The following MAML3 variants were observed in gnomAD, a reference collection of about 807,000 sequenced individuals.
MAML3 encodes the protein mastermind-like protein 3.
In MAML3, 27 loss-of-function variants were observed where a neutral mutation model predicts 101.9. That is an observed-to-expected ratio of 0.27 (90% CI 0.20 to 0.37). The LOEUF is 0.37. MAML3 is among the 10% of genes least tolerant of loss of function. MAML3 has a pLI of 1.00. For missense variants in MAML3, 1,316 were observed against 1,444.9 expected (o/e 0.91, Z 1.45); for synonymous variants, 501 against 555.9 (o/e 0.90, Z 1.39).
At chr4:139,947,659 A>G (rs2110751330) in intron 1 of MAML3, among the ~76,000 whole-genome samples, 1 of 152,332 alleles carries the variant, frequency 6.6e-6, no homozygotes, top group Admixed American at 6.5e-5. Context: ...TTAGTGGTAA[A>G]GTGTATCTAG....
At chr4:139,882,085 G>C in intron 2 of MAML3, among the ~76,000 whole-genome samples, 1 of 152,056 alleles carries the variant, frequency 6.6e-6, no homozygotes, top group Non-Finnish European at 1.5e-5. Context: ...TTAAAAATGT[G>C]ATAAAATGAA....
intron 2 of MAML3, among the ~76,000 whole-genome samples, chr4:139,751,289 A>G (rs1159100589): frequency 1.3e-5 from 2 of 152,232 alleles, no homozygotes; most frequent in East Asian, 3.8e-4. Context: ...CTTATCCAAA[A>G]TATTTGGGAT....
intron 2 of MAML3, among the ~76,000 whole-genome samples, chr4:139,795,438 T>C (rs889178382): frequency 1.3e-5 from 2 of 152,204 alleles, no homozygotes; most frequent in African/African-American, 2.4e-5. Context: ...TTTAGTTGAG[T>C]GTTAAGGGTG....
At chr4:139,972,285 C>G (rs1734246748) in intron 1 of MAML3, among the ~76,000 whole-genome samples, 1 of 152,176 alleles carries the variant, frequency 6.6e-6, no homozygotes, top group Admixed American at 6.5e-5. Context: ...CCAAATAAAT[C>G]TTGCCCTCTA....
intron 2 of MAML3, among the ~76,000 whole-genome samples, chr4:139,784,659 C>A (rs1730275073): frequency 6.6e-6 from 1 of 152,236 alleles, no homozygotes; most frequent in Non-Finnish European, 1.5e-5. Flanking sequence ...CTCATCTCTT[C>A]CCACTTAGTC....
chr4:140,039,087 C>A (rs2110904330), intron 1 of MAML3, among the ~76,000 whole-genome samples: 1 of 152,110 alleles, frequency 6.6e-6, no homozygotes, highest in Non-Finnish European at 1.5e-5. Flanking sequence ...CGTGCCACTG[C>A]ACTCCAGCCT....
At chr4:140,031,275 T>C (rs1020858052) in intron 1 of MAML3, among the ~76,000 whole-genome samples, 3 of 152,252 alleles carry the variant, frequency 2.0e-5, no homozygotes, top group Non-Finnish European at 2.9e-5. Context: ...CTAGTGTATG[T>C]CCATATGAAA....
chr4:139,833,019 A>G (rs1698201123), intron 2 of MAML3, among the ~76,000 whole-genome samples: 2 of 152,368 alleles, frequency 1.3e-5, no homozygotes, highest in Non-Finnish European at 2.9e-5. Context: ...AATAAGTGCA[A>G]CTTGAAACTA....
At chr4:140,135,739 C>T (rs1312514861) in intron 1 of MAML3, among the ~76,000 whole-genome samples, 1 of 152,254 alleles carries the variant, frequency 6.6e-6, no homozygotes, top group Non-Finnish European at 1.5e-5. Flanking sequence ...ACCATATGCT[C>T]CACAATATTG....
Position 140,144,730 on chromosome 4 carries a change from A to G in MAML3, c.468+8130T>C, listed in dbSNP as rs542963891. The stretch of plus-strand genomic sequence containing the variant: ...TTTCAGCAAGTTCTCCAAGTTCAGA[A>G]TAGGTTACTAAAAGCATGCTTTACT... On this transcript the variant is annotated intron_variant, in intron 1 of 4. Coordinates refer to ENST00000509479, the MANE Select transcript of MAML3 (RefSeq NM_018717.5). 2.3e-4 allele frequency among the ~76,000 whole-genome samples: 35 copies of G among 152,264 alleles called. 1 individual carries two copies. Among genetic ancestry groups the G allele is most frequent in the Middle Eastern group, 3.4e-3 (1 of 294 alleles).
chr4:139,874,073 T>G (rs188657883), intron 2 of MAML3, among the ~76,000 whole-genome samples: 94 of 152,350 alleles, frequency 6.2e-4, no homozygotes, highest in African/African-American at 2.2e-3. Context: ...TCAGATGTTA[T>G]AAAATGTTCA....
chr4:140,065,837 A>G (rs1727527741), intron 1 of MAML3, among the ~76,000 whole-genome samples: 1 of 152,196 alleles, frequency 6.6e-6, no homozygotes. Context: ...CACGATTCCC[A>G]GCACCTCCAT....
intron 1 of MAML3, among the ~76,000 whole-genome samples, chr4:140,072,584 C>T (rs935686763): frequency 3.3e-5 from 5 of 151,480 alleles, no homozygotes; most frequent in African/African-American, 4.9e-5. Flanking sequence ...GCAGGAGAAT[C>T]GCTTGAACCT....
chr4:140,061,191 AT>A (rs1406562911), intron 1 of MAML3, among the ~76,000 whole-genome samples: 2 of 152,160 alleles, frequency 1.3e-5, no homozygotes, highest in Non-Finnish European at 2.9e-5. Context: ...GCCGTATTTC[AT>A]TTTTCAGTGA....
At chr4:139,952,705 C>T (rs1029471037) in intron 1 of MAML3, among the ~76,000 whole-genome samples, 1 of 152,206 alleles carries the variant, frequency 6.6e-6, no homozygotes, top group Non-Finnish European at 1.5e-5. Flanking sequence ...TTTCCCACCT[C>T]CTCTTGCTCT....
intron 1 of MAML3, among the ~76,000 whole-genome samples, chr4:139,977,374 C>T (rs1295744302): frequency 6.6e-6 from 1 of 152,060 alleles, no homozygotes; most frequent in Non-Finnish European, 1.5e-5. Flanking sequence ...TGGCCTAAAT[C>T]ATCTCTGATA....
intron 1 of MAML3, among the ~76,000 whole-genome samples, chr4:140,006,976 A>C (rs1726464399): frequency 6.6e-6 from 1 of 152,218 alleles, no homozygotes; most frequent in Non-Finnish European, 1.5e-5. Context: ...AAAAAGCTTC[A>C]TAAGCTTTTT....
At chr4:140,041,690 T>C (rs1727088964) in intron 1 of MAML3, among the ~76,000 whole-genome samples, 1 of 152,132 alleles carries the variant, frequency 6.6e-6, no homozygotes, top group Admixed American at 6.5e-5. Flanking sequence ...CTACTCCAAA[T>C]TGAAGAACTG....
intron 2 of MAML3, among the ~76,000 whole-genome samples, chr4:139,840,386 A>G (rs115474583): frequency 0.011 from 1,704 of 152,142 alleles, 18 homozygotes; most frequent in Non-Finnish European, 0.018. Context: ...TCTTAACAAA[A>G]CTTCTCAGAG....
Sources: allele counts gnomAD v4.1 joint callset (sites outside exome capture counted in the v4.1 genomes callset), GRCh38; gene constraint gnomAD v4.1.1; transcripts MANE v1.5; gene names NCBI Gene and HGNC (gene_info 2026-07-23, HGNC 2026-07-21).